Variants in CELF2 observed in about 807,000 individuals in gnomAD.
CELF2 encodes the protein CUG triplet repeat RNA-binding protein 2.
CELF2 carries 8 observed loss-of-function variants against 62.6 expected under a neutral mutation model. That is an observed-to-expected ratio of 0.13 (90% CI 0.07 to 0.23). CELF2 has a LOEUF of 0.23. Among genes scored for constraint, CELF2 ranks in the 10% least tolerant of loss-of-function variants. CELF2 has a pLI of 1.00. For synonymous variants in CELF2, 258 were observed against 250.0 expected, an observed-to-expected ratio of 1.03 and a Z score of -0.30; for missense variants, 333 against 671.0, an observed-to-expected ratio of 0.50 and a Z score of 5.56.
At chr10:10,838,380 T>C (rs2058449200) in intron 1 of CELF2, among the ~76,000 whole-genome samples, 2 of 152,062 alleles carry the variant, frequency 1.3e-5, no homozygotes, top group Admixed American at 6.6e-5. Flanking sequence ...AAAGTTATTC[T>C]TTCTCCCACC....
At chr10:10,615,335 A>C in the CELF2 span, among the ~76,000 whole-genome samples, 3 of 152,096 alleles carry the variant, frequency 2.0e-5, no homozygotes, top group African/African-American at 7.3e-5. Flanking sequence ...AAAGCAGCAA[A>C]AAATTTGGGT....
chr10:11,218,239 T>A (rs2063838235), intron 3 of CELF2, among the ~76,000 whole-genome samples: 1 of 152,228 alleles, frequency 6.6e-6, no homozygotes, highest in Non-Finnish European at 1.5e-5. Flanking sequence ...ATATCAGTGA[T>A]GAGTTCATAA....
intron 1 of CELF2, among the ~76,000 whole-genome samples, chr10:11,034,778 G>A (rs895049112): frequency 7.2e-5 from 11 of 152,186 alleles, no homozygotes; most frequent in African/African-American, 9.6e-5. Context: ...GATTTTTATC[G>A]AGCCTGTCCT....
the CELF2 span, among the ~76,000 whole-genome samples, chr10:10,509,987 CA>C: frequency 6.6e-6 from 1 of 152,230 alleles, no homozygotes. Flanking sequence ...CAAGGCCCAG[CA>C]CCTGCAAAGG....
intron 2 of CELF2, among the ~76,000 whole-genome samples, chr10:10,956,995 C>G (rs538295201): frequency 5.3e-5 from 8 of 152,118 alleles, no homozygotes; most frequent in African/African-American, 1.9e-4. Context: ...GATTTCAGGT[C>G]CTCTTAGAAT....
the CELF2 span, among the ~76,000 whole-genome samples, chr10:10,599,725 C>CTTTTTTTTT: frequency 1.9e-4 from 26 of 134,560 alleles, no homozygotes; most frequent in African/African-American, 2.7e-4. Flanking sequence ...TTCTTTCTTT[C>CTTTTTTTTT]TTTTTTTTTT....
At chr10:11,102,531 A>C (rs537878220) in intron 1 of CELF2, among the ~76,000 whole-genome samples, 3 of 152,344 alleles carry the variant, frequency 2.0e-5, no homozygotes, top group African/African-American at 7.2e-5. Flanking sequence ...CATTGTCTGT[A>C]GCTTTCATGG....
the CELF2 span, among the ~76,000 whole-genome samples, chr10:10,463,958 T>TAA: frequency 0.01 from 1,442 of 143,320 alleles, 6 homozygotes; most frequent in South Asian, 0.046. Context: ...AACCTTTTTC[T>TAA]AAAAAAAAAA....
At chr10:11,000,565 C>A (rs1156687280), upstream of CELF2, among the ~76,000 whole-genome samples, 2 of 152,142 alleles carry the variant, frequency 1.3e-5, no homozygotes, top group Non-Finnish European at 2.9e-5. Flanking sequence ...TGGAAGGAGT[C>A]TCCATTTGGA....
chr10:10,715,200 A>ATAGTTAGTCAATTAATTAACTATATT, the CELF2 span, among the ~76,000 whole-genome samples: 8 of 152,244 alleles, frequency 5.3e-5, no homozygotes, highest in Admixed American at 5.2e-4. Flanking sequence ...GATATAAAAT[A>ATAGTTAGTCAATTAATTAACTATATT]AGACATTAAT....
At chr10:10,908,339 T>C (rs992425108) in intron 1 of CELF2, among the ~76,000 whole-genome samples, 16 of 145,060 alleles carry the variant, frequency 1.1e-4, no homozygotes, top group African/African-American at 4.1e-4. Flanking sequence ...CCTGCCTCAG[T>C]CTCCCAAGTA....
chr10:11,258,012 C>G, intron 5 of CELF2, 140 bp downstream of exon 5: 1 of 939,948 alleles, frequency 1.1e-6, no homozygotes, highest in South Asian at 1.9e-5. Context: ...CCAACCTGAA[C>G]TTTTCACCAT....
chr10:11,090,665 A>G (rs977573238), intron 1 of CELF2, among the ~76,000 whole-genome samples: 5 of 152,262 alleles, frequency 3.3e-5, no homozygotes, highest in African/African-American at 1.2e-4. Flanking sequence ...ATTATGATAT[A>G]TCTACATAAT....
the CELF2 span, among the ~76,000 whole-genome samples, chr10:10,532,901 A>AAAG: frequency 6.2e-4 from 93 of 149,972 alleles, no homozygotes; most frequent in South Asian, 2.7e-3. Context: ...AAAAAAAAAA[A>AAAG]TAGAGAGCAA....
chr10:11,292,381 A>G (rs945245628), intron 9 of CELF2, among the ~76,000 whole-genome samples: 2 of 152,254 alleles, frequency 1.3e-5, no homozygotes, highest in Non-Finnish European at 2.9e-5. Flanking sequence ...CTGAATGAGC[A>G]GTGGGAAATG....
chr10:10,545,162 T>C, the CELF2 span, among the ~76,000 whole-genome samples: 2 of 152,228 alleles, frequency 1.3e-5, no homozygotes, highest in Non-Finnish European at 2.9e-5. Flanking sequence ...AGATTATGCT[T>C]TCTATTTTTA....
chr10:10,468,484 C>A, the CELF2 span, among the ~76,000 whole-genome samples: 1 of 151,962 alleles, frequency 6.6e-6, no homozygotes, highest in Non-Finnish European at 1.5e-5. Flanking sequence ...TTTAAAAATT[C>A]TATTGAAAGC....
chr10:10,748,946 G>C, the CELF2 span, among the ~76,000 whole-genome samples: 2 of 152,000 alleles, frequency 1.3e-5, no homozygotes, highest in Non-Finnish European at 2.9e-5. Context: ...TGGTGAGTGA[G>C]ATGAGAATGT....
At chr10:11,179,919 C>G (rs1307005031) in intron 2 of CELF2, among the ~76,000 whole-genome samples, 1 of 152,120 alleles carries the variant, frequency 6.6e-6, no homozygotes, top group Non-Finnish European at 1.5e-5. Context: ...CAGTCACACT[C>G]AGCCCTAGTT....
Sources: gnomAD v4.1 joint callset for allele counts (sites outside exome capture counted in the v4.1 genomes callset) on GRCh38, gnomAD v4.1.1 for gene constraint, MANE v1.5 for transcripts, NCBI Gene and HGNC (gene_info 2026-07-23, HGNC 2026-07-21) for gene names.